Variants in RNF114 observed in about 807,000 individuals in gnomAD.
RNF114 encodes ring finger protein 114.
Under a neutral mutation model 28.4 loss-of-function variants are expected in RNF114, and 6 were observed. That is an observed-to-expected ratio of 0.21 (90% CI 0.12 to 0.42). RNF114 has a LOEUF of 0.42. RNF114 is among the 10% of genes least tolerant of loss of function. The pLI, the probability that RNF114 is intolerant of heterozygous loss-of-function variation, is 1.00. For missense variants in RNF114, 249 were observed against 311.7 expected, an observed-to-expected ratio of 0.80 and a Z score of 1.51; for synonymous variants, 115 against 116.7, an observed-to-expected ratio of 0.99 and a Z score of 0.09.
Position 49,936,541 on chromosome 20 carries a change from C to T in RNF114, c.129C>T (p.Pro43=), listed in dbSNP as rs11550503. 1.6e-5 allele frequency: 25 copies of T among 1,588,108 alleles called. No homozygotes were observed. The highest frequency in any genetic ancestry group is 2.1e-5 in the Non-Finnish European group (24 of 1,168,636). The change falls in exon 1 of 6, where the codon CCC becomes CCT. Residue 43 remains proline (P), a synonymous_variant. Transcript: ENST00000244061. ...TGTACGAGAAGCCGGTACAGGTGCC[C>T]TGCGGACACGTGTAAGCGGCGAGCC... is the stretch of plus-strand genomic sequence containing the variant. The part of the protein sequence containing the change: ...LEVYEKPVQV[P]CGHVFCSACL...
intron 1 of RNF114, among the ~76,000 whole-genome samples, chr20:49,937,580 G>A (rs969014651): frequency 9.9e-5 from 15 of 152,184 alleles, no homozygotes; most frequent in Non-Finnish European, 1.8e-4. Context: ...TGTACTGCAG[G>A]TGACCATTTC....
Position 49,945,384 on chromosome 20 carries a change from C to T in RNF114, c.294C>T (p.Phe98=), listed in dbSNP as rs779054182. 1.2e-6 allele frequency: 2 copies of T among 1,605,488 alleles called. No individual in the cohort carries two copies. Among genetic ancestry groups the T allele is most frequent in the Non-Finnish European group, 1.7e-6 (2 of 1,172,230 alleles). The change falls in exon 3 of 6, where the codon TTC becomes TTT. Residue 98 remains phenylalanine, a splice_region_variant and synonymous_variant. Coordinates refer to ENST00000244061, the MANE Select transcript of RNF114 (RefSeq NM_018683.4). ...ETSCHGCRKN[F]FLSKIRSHVA... ...GGCTCTGATTCTTCCTATTTGAGTT[C>T]TTCCTGTCCAAGATCCGGTCCCACG... is the stretch of plus-strand genomic sequence containing the variant.
At chr20:49,950,620 T>C (rs547299246) in intron 5 of RNF114, among the ~76,000 whole-genome samples, 1 of 143,738 alleles carries the variant, frequency 7.0e-6, no homozygotes, top group Admixed American at 6.9e-5. Context: ...GAGACGGAGG[T>C]TGCAGCAAGC....
At chr20:49,947,783 T>TTG (rs2090339277) in intron 4 of RNF114, among the ~76,000 whole-genome samples, 1 of 52,190 alleles carries the variant, frequency 1.9e-5, no homozygotes, top group African/African-American at 5.8e-5. Context: ...TTTTTTTTTT[T>TTG]TTTTTTTTTT....
chr20:49,947,395 TGG>T (rs1442981285), intron 4 of RNF114, among the ~76,000 whole-genome samples: 1 of 152,146 alleles, frequency 6.6e-6, no homozygotes, highest in Admixed American at 6.5e-5. Flanking sequence ...CTCTGTTGTA[TGG>T]GCAGCCTTCA....
chr20:49,947,799 T>G (rs1350406944), intron 4 of RNF114, among the ~76,000 whole-genome samples: 2 of 56,414 alleles, frequency 3.5e-5, no homozygotes, highest in African/African-American at 5.9e-5. Flanking sequence ...TTTTTTTTTT[T>G]TTTTTTTTTT....
intron 1 of RNF114, among the ~76,000 whole-genome samples, chr20:49,936,810 C>T (rs951882857): frequency 6.6e-5 from 10 of 151,970 alleles, no homozygotes; most frequent in African/African-American, 2.4e-4. Flanking sequence ...ATGTTCCAGG[C>T]GGCCTGTCAG....
At chr20:49,945,697 G>C (rs757642779) in intron 3 of RNF114, among the ~76,000 whole-genome samples, 1 of 152,084 alleles carries the variant, frequency 6.6e-6, no homozygotes, top group Non-Finnish European at 1.5e-5. Context: ...ACAGAGTCTC[G>C]CTCTGTTGCC....
At position 49,940,768 on chromosome 20, in the gene RNF114, AC is replaced by A. The variant is rs35600408; in HGVS notation, c.141-785del. 1.5e-4 allele frequency among the ~76,000 whole-genome samples: 19 copies of A among 125,888 alleles called. No individual in the cohort carries two copies. The East Asian group carries it at 2.5e-3, about 17-fold the overall frequency. 82.6% of individuals were successfully genotyped at this position (125,888 alleles called of 152,430 possible). On this transcript the variant is annotated intron_variant, in intron 1 of 5. Transcript: ENST00000244061. ...TGCCGTCTCTGCAGTCTTCCCCTCC[AC>A]CCCCCCCTTGAGACAGAGTCGCACT...
At position 49,952,538 on chromosome 20, in the gene RNF114, T is replaced by C; in HGVS notation, c.*397T>C. The C allele has an allele frequency of 2.9e-6, 1 of 343,906 alleles. No homozygotes were observed. The highest frequency in any genetic ancestry group is 5.3e-6 in the Non-Finnish European group (1 of 188,792). 21.3% of individuals were successfully genotyped at this position (343,906 alleles called of 1,614,324 possible). ...CTTTTCTGGGTCATGAATAGCACAA[T>C]GAAGCAAGTGTCTCCTTTCCTTGTC... On this transcript the variant is annotated 3_prime_UTR_variant, in exon 6 of 6. Coordinates refer to ENST00000244061, the MANE Select transcript of RNF114 (RefSeq NM_018683.4).
chr20:49,943,494 G>A (rs137881114), intron 2 of RNF114, among the ~76,000 whole-genome samples: 56 of 152,044 alleles, frequency 3.7e-4, no homozygotes, highest in Non-Finnish European at 7.5e-4. Context: ...AAAAAAAATT[G>A]AGGATTCCTC....
At chr20:49,949,193 G>T in intron 4 of RNF114, 55 bp from the exon 5 acceptor site, 1 of 1,427,354 alleles carries the variant, frequency 7.0e-7, no homozygotes, top group South Asian at 1.1e-5. Flanking sequence ...AGGCCACAGA[G>T]GGCTGGTGCA....
rs71190519 is a variant in RNF114, at chr20:49,947,769, G to GTTTTTT, written c.514-1444_514-1439dup. On this transcript the variant is annotated intron_variant, in intron 4 of 5. Transcript: ENST00000244061. ...GTTCTGTCTTCCTCTCCCTCTGCAA[G>GTTTTTT]TTTTTTTTTTTTTTTTTTTTTTTTT... Among the ~76,000 whole-genome samples the GTTTTTT allele has an allele frequency of 2.8e-3, 142 of 50,476 alleles. 27 individuals are homozygous for GTTTTTT. Among genetic ancestry groups the GTTTTTT allele is most frequent in the Non-Finnish European group, 3.5e-3 (101 of 28,800 alleles). The allele number at this position is 50,476 out of a possible 152,430, so 33.1% of individuals were successfully genotyped here. A position where few individuals can be genotyped will look rare whatever the true frequency, so the allele number is the denominator to read the frequency against.
rs752876339 is a variant in RNF114, at chr20:49,936,421, G to A, written c.9G>A (p.Ala3=). 4 of 1,512,174 alleles carry A rather than the reference G, an allele frequency of 2.6e-6. No individual in the cohort carries two copies. In the African/African-American group the frequency reaches 4.3e-5, roughly 16 times the overall value. The allele number at this position is 1,512,174 out of a possible 1,614,324, so 93.7% of individuals were successfully genotyped here. The change falls in exon 1 of 6, where the codon GCG becomes GCA. Residue 3 remains alanine (A), a synonymous_variant. Transcript: ENST00000244061. The part of the protein sequence containing the change: MA[A]QQRDCGGAAQ... ...CGCAGAGCGGCAGCAAGATGGCGGC[G>A]CAACAGCGGGACTGCGGGGGTGCTG... is the stretch of plus-strand genomic sequence containing the variant.
intron 5 of RNF114, 63 bp from the exon 6 acceptor site, chr20:49,952,013 C>A: frequency 7.6e-7 from 1 of 1,319,290 alleles, no homozygotes; most frequent in Non-Finnish European, 1.1e-6. Context: ...CCTGCTTCTA[C>A]TGAAAGCCAG....
In RNF114 at chr20:49,936,459, G is replaced by T. The variant is rs756265475; in HGVS notation, c.47G>T (p.Gly16Val). The T allele has an allele frequency of 1.3e-6, 2 of 1,549,364 alleles. No homozygotes were observed. The highest frequency in any genetic ancestry group is 1.7e-6 in the Non-Finnish European group (2 of 1,148,552). The change falls in exon 1 of 6, where the codon GGG (glycine) becomes GTG (valine). Residue 16 changes from glycine to valine, a missense_variant. Physicochemically the swap from Gly to Val is moderately radical, Grantham distance 109. Transcript: ENST00000244061. Reference protein sequence around the residue: ...RDCGGAAQLAGPAAEADPLGR... With the variant: ...RDCGGAAQLAVPAAEADPLGR... ...TGCGGGGGTGCTGCGCAGCTGGCGG[G>T]GCCGGCGGCGGAGGCTGACCCCCTA...
Position 49,950,355 on chromosome 20 carries a change from G to A in RNF114, c.621+1000G>A, listed in dbSNP as rs75898417. Among the ~76,000 whole-genome samples, 1,163 of 152,046 alleles carry A rather than the reference G, an allele frequency of 7.6e-3. 12 individuals are homozygous for A. Among genetic ancestry groups the A allele is most frequent in the Non-Finnish European group, 8.7e-3 (592 of 67,984 alleles). ...CAAATTTTTGTCTACTTTTCTTGTG[G>A]TTTATATAATTTCTGCCTGTTATAG... On this transcript the variant is annotated intron_variant, in intron 5 of 5. Transcript: ENST00000244061.
chr20:49,947,831 G>T, intron 4 of RNF114, among the ~76,000 whole-genome samples: 1 of 110,734 alleles, frequency 9.0e-6, no homozygotes, highest in Admixed American at 1.3e-4. Flanking sequence ...TCGCTCTGTC[G>T]CCCAGGCTGG....
chr20:49,949,152 A>G, intron 4 of RNF114, 96 bp from the exon 5 acceptor site: 1 of 958,770 alleles, frequency 1.0e-6, no homozygotes, highest in South Asian at 1.3e-5. Flanking sequence ...TATGTCAGGA[A>G]AGCTGTCCTG....
Sources: gnomAD v4.1 joint callset for allele counts (sites outside exome capture counted in the v4.1 genomes callset) on GRCh38, gnomAD v4.1.1 for gene constraint, MANE v1.5 for transcripts, NCBI Gene and HGNC (gene_info 2026-07-23, HGNC 2026-07-21) for gene names.